Variants in FAM171A1 observed in about 807,000 individuals in gnomAD.
FAM171A1 encodes protein FAM171A1.
In FAM171A1, 23 loss-of-function variants were observed where a neutral mutation model predicts 74.9. The observed-to-expected ratio is 0.31, with a 90% confidence interval of 0.22 to 0.44. The LOEUF is 0.44. FAM171A1 is among the 20% of genes least tolerant of loss of function. FAM171A1 has a pLI of 1.00. For synonymous variants in FAM171A1, 527 were observed against 505.7 expected (o/e 1.04, Z -0.57); for missense variants, 1,162 against 1,159.2 (o/e 1.00, Z -0.03).
intron 1 of FAM171A1, among the ~76,000 whole-genome samples, chr10:15,297,784 C>T (rs1372521159): frequency 6.6e-6 from 1 of 152,126 alleles, no homozygotes; most frequent in African/African-American, 2.4e-5. Context: ...ATCCTGTTAC[C>T]CTAATAAGTT....
upstream of FAM171A1, among the ~76,000 whole-genome samples, chr10:15,374,335 A>G (rs537176974): frequency 1.3e-5 from 2 of 152,320 alleles, no homozygotes; most frequent in East Asian, 1.9e-4. Flanking sequence ...TGGGGCCCCA[A>G]AGAGTATTAT....
intron 1 of FAM171A1, among the ~76,000 whole-genome samples, chr10:15,318,995 CA>C (rs1459470339): frequency 6.6e-6 from 1 of 152,208 alleles, no homozygotes; most frequent in Admixed American, 6.5e-5. Context: ...AAGAAGACCA[CA>C]AAGTCACCAG....
intron 5 of FAM171A1, among the ~76,000 whole-genome samples, chr10:15,234,356 G>A (rs924436225): frequency 2.6e-5 from 4 of 152,164 alleles, no homozygotes; most frequent in South Asian, 2.1e-4. Context: ...ATTGTTACCC[G>A]TTGAGGGTAG....
In FAM171A1 at chr10:15,254,867, T is replaced by G; in HGVS notation, c.431A>C (p.Gln144Pro). ...IVSGFQGARP[Q>P]PRVHFQRRAL... is the part of the protein sequence containing the mutation. ...CCTTCTCTGGAAATGAACGCGAGGCTGTGGCCGGGCACCTGCAGAGATTAA... is the reference window on the plus strand; with the variant it reads ...CCTTCTCTGGAAATGAACGCGAGGCGGTGGCCGGGCACCTGCAGAGATTAA... Residue 144 changes from glutamine to proline, a missense_variant, in exon 4 of 8, where the codon CAG becomes CCG. By Grantham distance (76) the Gln-to-Pro change is moderately conservative. Coordinates refer to ENST00000378116, the MANE Select transcript of FAM171A1 (RefSeq NM_001010924.2). The G allele has an allele frequency of 6.2e-7, 1 of 1,613,798 alleles. No individual in the cohort carries two copies. Among genetic ancestry groups the G allele is most frequent in the Non-Finnish European group, 8.5e-7 (1 of 1,179,684 alleles).
chr10:15,320,397 A>T (rs1835473105), intron 1 of FAM171A1, among the ~76,000 whole-genome samples: 1 of 152,046 alleles, frequency 6.6e-6, no homozygotes, highest in South Asian at 2.1e-4. Flanking sequence ...TTGATTTCAC[A>T]TTTTTGCTAT....
chr10:15,280,155 T>C (rs1834949138), intron 2 of FAM171A1, among the ~76,000 whole-genome samples: 3 of 151,952 alleles, frequency 2.0e-5, no homozygotes, highest in Non-Finnish European at 2.9e-5. Flanking sequence ...AGGGTAGAAA[T>C]GGCAGACTCC....
Position 15,259,490 on chromosome 10 carries a change from G to C in FAM171A1, c.419-4611C>G, listed in dbSNP as rs151107936. Among the ~76,000 whole-genome samples, 11 of 152,222 alleles carry C rather than the reference G, an allele frequency of 7.2e-5. No individual in the cohort carries two copies. The South Asian group carries it at 1.5e-3, about 20-fold the overall frequency. ...AAATGAATAGACCAATATAGACCCA[G>C]ACTACAACTGCACCTCTTCTCTAAA... On this transcript the variant is annotated intron_variant, in intron 3 of 7. Coordinates refer to ENST00000378116, the MANE Select transcript of FAM171A1 (RefSeq NM_001010924.2).
chr10:15,234,692 G>A (rs1250712315), intron 5 of FAM171A1, among the ~76,000 whole-genome samples: 1 of 150,382 alleles, frequency 6.6e-6, no homozygotes, highest in East Asian at 2.0e-4. Flanking sequence ...TTGCTCTGTC[G>A]CCCAGGCTGA....
intron 1 of FAM171A1, among the ~76,000 whole-genome samples, chr10:15,330,836 G>C (rs1194293465): frequency 6.8e-6 from 1 of 146,492 alleles, no homozygotes; most frequent in East Asian, 2.1e-4. Flanking sequence ...TCCTGCCTCA[G>C]CCTCCCGAGT....
intron 5 of FAM171A1, among the ~76,000 whole-genome samples, chr10:15,238,742 G>A (rs745916412): frequency 6.6e-6 from 1 of 152,156 alleles, no homozygotes; most frequent in Non-Finnish European, 1.5e-5. Context: ...CGAATGCATC[G>A]TACGTGGTAA....
intron 3 of FAM171A1, among the ~76,000 whole-genome samples, chr10:15,256,851 AGCTT>A (rs919239803): frequency 5.3e-5 from 8 of 152,144 alleles, no homozygotes. Flanking sequence ...CATGGCGCAC[AGCTT>A]GCTTTTCTTC....
intron 5 of FAM171A1, among the ~76,000 whole-genome samples, chr10:15,235,259 G>A (rs190130228): frequency 0.027 from 3,458 of 127,332 alleles, 141 homozygotes; most frequent in African/African-American, 0.097. Flanking sequence ...CCGAGATTGC[G>A]CCACTGCACT....
Position 15,260,751 on chromosome 10 carries a change from C to T in FAM171A1, c.419-5872G>A, listed in dbSNP as rs530479897. On this transcript the variant is annotated intron_variant, in intron 3 of 7. Transcript: ENST00000378116. ...ATTTCAGCACCATTTACATTTTGGG[C>T]CAGGTAGTTCTTTGTTTGGGGGTGT... Among the ~76,000 whole-genome samples the T allele has an allele frequency of 2.0e-5, 3 of 152,268 alleles. No homozygotes were observed. The East Asian group carries it at 5.8e-4, about 29-fold the overall frequency.
chr10:15,232,249 C>T (rs1389640279), intron 5 of FAM171A1, among the ~76,000 whole-genome samples: 2 of 152,292 alleles, frequency 1.3e-5, no homozygotes, highest in African/African-American at 2.4e-5. Context: ...GATAAGCCCA[C>T]GTTAGGATTC....
chr10:15,306,916 T>G (rs377650967), intron 1 of FAM171A1, among the ~76,000 whole-genome samples: 1 of 152,188 alleles, frequency 6.6e-6, no homozygotes, highest in South Asian at 2.1e-4. Flanking sequence ...AGACCAAGCC[T>G]CCTAGAGCAC....
chr10:15,313,627 G>C lies in FAM171A1; in HGVS notation c.98-29522C>G, dbSNP rs55742951. On this transcript the variant is annotated intron_variant, in intron 1 of 7. Transcript: ENST00000378116. Reference sequence around the variant, plus strand: ...CTGAGTACCGGTAGGTTTGTAACTCGTGAGTTTTTGCAGATTTCCAAGTCT... The same window carrying C: ...CTGAGTACCGGTAGGTTTGTAACTCCTGAGTTTTTGCAGATTTCCAAGTCT... Among the ~76,000 whole-genome samples the C allele has an allele frequency of 1.7e-3, 266 of 152,164 alleles. 1 individual carries two copies. Among genetic ancestry groups the C allele is most frequent in the Non-Finnish European group, 3.3e-3 (227 of 67,994 alleles).
intron 1 of FAM171A1, among the ~76,000 whole-genome samples, chr10:15,317,385 A>T (rs1281218288): frequency 6.6e-6 from 1 of 151,932 alleles, no homozygotes; most frequent in Non-Finnish European, 1.5e-5. Flanking sequence ...CTCATATTTT[A>T]TTTTTTTTAA....
intron 5 of FAM171A1, among the ~76,000 whole-genome samples, chr10:15,234,262 T>G (rs1834250903): frequency 6.6e-6 from 1 of 152,064 alleles, no homozygotes; most frequent in Non-Finnish European, 1.5e-5. Context: ...AAAACAAACT[T>G]ACGAAAGAAA....
At position 15,333,361 on chromosome 10, in the gene FAM171A1, G is replaced by A. The variant is rs372988138; in HGVS notation, c.97+37595C>T. 2.6e-4 allele frequency among the ~76,000 whole-genome samples: 40 copies of A among 152,304 alleles called. No homozygotes were observed. The South Asian group carries it at 5.8e-3, about 22-fold the overall frequency. ...CTAAAAATGCAAAAATTAGCTGGGCGTGGTGGCGTGTGCCTGTAATCCCAG... is the reference window on the plus strand; with the variant it reads ...CTAAAAATGCAAAAATTAGCTGGGCATGGTGGCGTGTGCCTGTAATCCCAG... On this transcript the variant is annotated intron_variant, in intron 1 of 7. Transcript: ENST00000378116.
Sources: allele counts gnomAD v4.1 joint callset (sites outside exome capture counted in the v4.1 genomes callset), GRCh38; gene constraint gnomAD v4.1.1; transcripts MANE v1.5; gene names NCBI Gene and HGNC (gene_info 2026-07-23, HGNC 2026-07-21).